Variants in SPNS2 observed in about 807,000 individuals in gnomAD.
The protein encoded by SPNS2 is SPNS lysolipid transporter 2, sphingosine-1-phosphate.
A neutral mutation model predicts 57.6 loss-of-function variants in SPNS2; 37 were observed. The observed-to-expected ratio is 0.64, with a 90% CI of 0.49 to 0.85. The LOEUF is 0.85. SPNS2 is among the 40% of genes least tolerant of loss of function. SPNS2 has a pLI of 0.00. For missense variants in SPNS2, 831 were observed against 779.1 expected (o/e 1.07, Z -0.79); for synonymous variants, 440 against 346.9 (o/e 1.27, Z -2.98).
intron 12 of SPNS2, 101 bp downstream of exon 12, chr17:4,537,047 C>T (rs924383292): frequency 4.8e-6 from 6 of 1,248,730 alleles, no homozygotes; most frequent in Middle Eastern, 4.0e-4. Flanking sequence ...CCTCCTACCC[C>T]AGCACATCCC....
At chr17:4,537,236 T>G (rs8067142) in intron 12 of SPNS2, among the ~76,000 whole-genome samples, 12,205 of 152,236 alleles carry the variant, frequency 0.08, 1,250 homozygotes, top group African/African-American at 0.24. Context: ...CTGTCCGGAC[T>G]TCTGTTCTCC....
chr17:4,536,639 T>G (rs1046760714), intron 11 of SPNS2: 6 of 690,666 alleles, frequency 8.7e-6, no homozygotes, highest in Non-Finnish European at 1.4e-5. Context: ...GATCCAGACT[T>G]GGGTTTGTCT....
At chr17:4,504,382 G>A (rs1390324549) in intron 1 of SPNS2, among the ~76,000 whole-genome samples, 1 of 152,256 alleles carries the variant, frequency 6.6e-6, no homozygotes, top group Non-Finnish European at 1.5e-5. Flanking sequence ...CTTCCAGCAG[G>A]CTCTGCCAGC....
intron 10 of SPNS2, 25 bp from the exon 11 acceptor site, chr17:4,536,238 G>T: frequency 6.2e-7 from 1 of 1,609,684 alleles, no homozygotes; most frequent in Non-Finnish European, 8.5e-7. Flanking sequence ...GCTCTGCCCT[G>T]ACATCCACCC....
rs997607233 is a variant in SPNS2 at position 4,530,835 on chromosome 17, T to C, written c.725+52T>C. On this transcript the variant is annotated intron_variant, in intron 4 of 12. Transcript: ENST00000329078. ...GGTGAGGATCTGGGCAAGGTTCCCT[T>C]GGACTTCTGAGTTCTCCCACTCCCT... is the stretch of plus-strand genomic sequence containing the variant. 2.5e-6 allele frequency: 4 copies of C among 1,584,426 alleles called. No homozygotes were observed. The African/African-American group carries it at 4.0e-5, about 16-fold the overall frequency.
At chr17:4,528,884 C>T (rs575302367) in intron 3 of SPNS2, among the ~76,000 whole-genome samples, 2 of 152,232 alleles carry the variant, frequency 1.3e-5, no homozygotes, top group South Asian at 4.1e-4. Context: ...ACTGATCCTC[C>T]TGTCTCAGTC....
At position 4,517,066 on chromosome 17, in the gene SPNS2, G is replaced by A. The variant is rs548580102; in HGVS notation, c.436+3754G>A. On this transcript the variant is annotated intron_variant, in intron 2 of 12. Transcript: ENST00000329078. Reference sequence around the variant, plus strand: ...GGCCTGGGGTTTCTTCGTTCTAACCGTGGGTGATTTTGTTTCCATCCAAGC... The same window carrying A: ...GGCCTGGGGTTTCTTCGTTCTAACCATGGGTGATTTTGTTTCCATCCAAGC... Among the ~76,000 whole-genome samples, 9 of 152,300 alleles carry A rather than the reference G, an allele frequency of 5.9e-5. No homozygotes were observed. In the South Asian group the frequency reaches 1.7e-3, roughly 28 times the overall value.
At chr17:4,533,750 A>G (rs1597370205) in intron 8 of SPNS2, 38 bp from the exon 9 acceptor site, 1 of 1,610,414 alleles carries the variant, frequency 6.2e-7, no homozygotes, top group Non-Finnish European at 8.5e-7. Flanking sequence ...CTGCGGATGG[A>G]GGGACCGCTG....
At chr17:4,532,515 G>GT in intron 5 of SPNS2, 27 bp from the exon 6 acceptor site, 6 of 1,614,096 alleles carry the variant, frequency 3.7e-6, no homozygotes, top group Non-Finnish European at 5.1e-6. Context: ...CTGGGCCCTG[G>GT]TGTCCTAACT....
In SPNS2 at chr17:4,499,348, C is replaced by A; in HGVS notation, c.301C>A (p.Arg101=). 3 of 1,451,044 alleles carry A rather than the reference C, an allele frequency of 2.1e-6. No homozygotes were observed. Among genetic ancestry groups the A allele is most frequent in the Non-Finnish European group, 2.7e-6 (3 of 1,108,024 alleles). 89.9% of individuals were successfully genotyped at this position (1,451,044 alleles called of 1,614,324 possible). Residue 101 remains arginine (R), a synonymous_variant, in exon 1 of 13, where the codon CGG becomes AGG. Coordinates refer to ENST00000329078, the MANE Select transcript of SPNS2 (RefSeq NM_001124758.3). This position sits in a 1 kb window ranked among gnomAD's most constrained non-coding sequence, Gnocchi z 5.2. The part of the protein sequence containing the change: ...QPKPASLGRG[R]GAAAAILSLG... ...CAAACCGGCCAGCTTGGGCCGCGGGCGGGGGGCAGCCGCCGCCATCCTCAG... is the reference window on the plus strand; with the variant it reads ...CAAACCGGCCAGCTTGGGCCGCGGGAGGGGGGCAGCCGCCGCCATCCTCAG...
chr17:4,509,064 G>A (rs1904759562), intron 1 of SPNS2, among the ~76,000 whole-genome samples: 2 of 152,220 alleles, frequency 1.3e-5, no homozygotes, highest in Admixed American at 1.3e-4. Flanking sequence ...CCATTCATGA[G>A]GTGGAGGGAG....
At chr17:4,535,825 C>T (rs926210573) in intron 9 of SPNS2, among the ~76,000 whole-genome samples, 1 of 150,844 alleles carries the variant, frequency 6.6e-6, no homozygotes, top group South Asian at 2.1e-4. Flanking sequence ...AGGGTGACTG[C>T]AGCTGTGTGT....
chr17:4,535,771 A>G (rs1210092554), intron 9 of SPNS2, among the ~76,000 whole-genome samples: 1 of 151,938 alleles, frequency 6.6e-6, no homozygotes, highest in African/African-American at 2.4e-5. Context: ...AGTATGGGGC[A>G]GGTCGCAGTG....
chr17:4,525,597 T>C (rs1157057873), intron 3 of SPNS2, among the ~76,000 whole-genome samples: 2 of 152,234 alleles, frequency 1.3e-5, no homozygotes, highest in Admixed American at 1.3e-4. Context: ...CTTGGTCTGA[T>C]GACCAGCTGA....
At position 4,532,991 on chromosome 17, in the gene SPNS2, TCTC is replaced by T. The variant is rs749994718; in HGVS notation, c.955_957del (p.Ser319del). ...CCTCTCCCCAGCCGCAGCTACGTCT[TCTC>T]CTCCCTGGCCACGTCGGCTGTCTCC... On this transcript the variant is annotated inframe_deletion, in exon 7 of 13. Coordinates refer to ENST00000329078, the MANE Select transcript of SPNS2 (RefSeq NM_001124758.3). The T allele has an allele frequency of 7.4e-6, 12 of 1,612,390 alleles. No individual in the cohort carries two copies. The highest frequency in any genetic ancestry group is 4.5e-5 in the East Asian group (2 of 44,872).
In SPNS2 at chr17:4,532,972, C is replaced by T. The variant is rs1239711605; in HGVS notation, c.936-5C>T. On this transcript the variant is annotated splice_polypyrimidine_tract_variant and splice_region_variant and intron_variant, in intron 6 of 12. Coordinates refer to ENST00000329078, the MANE Select transcript of SPNS2 (RefSeq NM_001124758.3). ...GCTCAGTGTCACTGCCTGGCCTCTC[C>T]CCAGCCGCAGCTACGTCTTCTCCTC... 6.2e-7 allele frequency: 1 copy of T among 1,609,044 alleles called. No individual in the cohort carries two copies. The highest frequency in any genetic ancestry group is 8.5e-7 in the Non-Finnish European group (1 of 1,177,652).
At chr17:4,507,247 G>A (rs1006467901) in intron 1 of SPNS2, among the ~76,000 whole-genome samples, 5 of 152,216 alleles carry the variant, frequency 3.3e-5, no homozygotes, top group South Asian at 2.1e-4. Context: ...TGGGGACCTG[G>A]GTCCCTCTGA....
chr17:4,525,348 G>A (rs764955856), intron 3 of SPNS2, among the ~76,000 whole-genome samples, 155 bp downstream of exon 3: 34 of 152,314 alleles, frequency 2.2e-4, no homozygotes, highest in Non-Finnish European at 4.1e-4. Flanking sequence ...GGTGGTCTTC[G>A]GGTATTTTTA....
In SPNS2 at chr17:4,499,011, G is replaced by GC. The variant is rs1439393965; in HGVS notation, c.-31dup. Reference sequence around the variant, plus strand: ...TGAGCGGGCCCAGCCTGGGCCCCGCGCCCCCCGCGCCCCCCGCCGCCCCGA... The same window carrying GC: ...TGAGCGGGCCCAGCCTGGGCCCCGCGCCCCCCCGCGCCCCCCGCCGCCCCGA... On this transcript the variant is annotated 5_prime_UTR_variant, in exon 1 of 13. Transcript: ENST00000329078. The surrounding 1 kb of genome is among the most constrained non-coding windows in gnomAD (Gnocchi z 5.2). 3.0e-6 allele frequency: 3 copies of GC among 985,660 alleles called. No homozygotes were observed. The highest frequency in any genetic ancestry group is 1.1e-4 in the East Asian group (1 of 9,150). The allele number at this position is 985,660 out of a possible 1,614,324, so 61.1% of individuals were successfully genotyped here.
Sources: gnomAD v4.1 joint callset for allele counts (sites outside exome capture counted in the v4.1 genomes callset) on GRCh38, gnomAD v4.1.1 for gene constraint, Gnocchi (gnomAD v3.1) non-coding constraint, MANE v1.5 for transcripts, NCBI Gene and HGNC (gene_info 2026-07-23, HGNC 2026-07-21) for gene names.